The following GSG1L variants were observed in gnomAD, a reference collection of about 807,000 sequenced individuals.
GSG1L encodes GSG1 like.
A neutral mutation model predicts 42.1 loss-of-function variants in GSG1L; 24 were observed. The ratio of observed to expected loss-of-function variants is 0.57; its 90% CI spans 0.41 to 0.80. GSG1L has a LOEUF of 0.80. Among genes scored for constraint, GSG1L ranks in the 30% least tolerant of loss-of-function variants. GSG1L has a pLI of 0.00. For synonymous variants in GSG1L, 215 were observed against 203.5 expected, an observed-to-expected ratio of 1.06 and a Z score of -0.48; for missense variants, 445 against 472.2, an observed-to-expected ratio of 0.94 and a Z score of 0.53.
chr16:27,830,677 C>T (rs75705459), intron 4 of GSG1L, among the ~76,000 whole-genome samples: 1 of 152,198 alleles, frequency 6.6e-6, no homozygotes, highest in African/African-American at 2.4e-5. Context: ...CACCACCCCC[C>T]ACCATTCATA....
intron 1 of GSG1L, among the ~76,000 whole-genome samples, chr16:27,983,945 A>G (rs749604945): frequency 6.6e-5 from 10 of 152,160 alleles, no homozygotes; most frequent in Non-Finnish European, 1.5e-4. Flanking sequence ...TTTAAACGAC[A>G]CCTGTGGCAT....
At chr16:27,946,559 A>AAGAAAGAAAGAG in intron 2 of GSG1L, among the ~76,000 whole-genome samples, 1 of 9,776 alleles carries the variant, frequency 1.0e-4, no homozygotes, top group Non-Finnish European at 2.8e-4. Flanking sequence ...AAAAGAAAGA[A>AAGAAAGAAAGAG]AGAAAGAAAG....
intron 1 of GSG1L, among the ~76,000 whole-genome samples, chr16:28,061,380 G>T (rs1392443773): frequency 6.6e-6 from 1 of 152,172 alleles, no homozygotes; most frequent in East Asian, 1.9e-4. Flanking sequence ...GGTCTGATGG[G>T]ATGAAACCAA....
chr16:27,971,924 A>C (rs952526835), intron 1 of GSG1L, among the ~76,000 whole-genome samples: 8 of 152,196 alleles, frequency 5.3e-5, no homozygotes, highest in African/African-American at 1.9e-4. Flanking sequence ...AGACAAGCAA[A>C]GTGAGGGTCT....
Position 28,063,550 on chromosome 16 carries a change from G to A in GSG1L, c.-126C>T. 2 of 398,888 alleles carry A rather than the reference G, an allele frequency of 5.0e-6. No individual in the cohort carries two copies. The highest frequency in any genetic ancestry group is 7.0e-6 in the Non-Finnish European group (2 of 287,170). The allele number at this position is 398,888 out of a possible 1,614,324, so 24.7% of individuals were successfully genotyped here. ...GGGGCTCGGGTGCCTGAGATCGGCG[G>A]CGGCGGACGCGGCGCGGGCCCATGC... is the stretch of plus-strand genomic sequence containing the variant. On this transcript the variant is annotated 5_prime_UTR_variant, in exon 1 of 7. Coordinates refer to ENST00000447459, the MANE Select transcript of GSG1L (RefSeq NM_001109763.2). The surrounding 1 kb of genome is among the most constrained non-coding windows in gnomAD (Gnocchi z 5.8).
At chr16:27,914,148 T>C (rs72782200) in intron 2 of GSG1L, among the ~76,000 whole-genome samples, 16,432 of 152,006 alleles carry the variant, frequency 0.11, 1,119 homozygotes, top group African/African-American at 0.19. Context: ...TAAGTAATGA[T>C]GCAATTAGTA....
intron 1 of GSG1L, among the ~76,000 whole-genome samples, chr16:28,029,236 A>G (rs2085930183): frequency 6.6e-6 from 1 of 152,222 alleles, no homozygotes; most frequent in Non-Finnish European, 1.5e-5. Flanking sequence ...TGTGTAAAGA[A>G]CTGAATGAAT....
At chr16:27,855,455 C>T (rs2083565816) in intron 3 of GSG1L, among the ~76,000 whole-genome samples, 1 of 152,096 alleles carries the variant, frequency 6.6e-6, no homozygotes, top group Non-Finnish European at 1.5e-5. Flanking sequence ...AGCAGTGTTA[C>T]AAGCCTGTAA....
In GSG1L at chr16:27,857,893, C is replaced by T. The variant is rs182438491; in HGVS notation, c.551-12832G>A. 4.8e-3 allele frequency among the ~76,000 whole-genome samples: 679 copies of T among 140,416 alleles called. 3 individuals are homozygous for T. Among genetic ancestry groups the T allele is most frequent in the African/African-American group, 0.017 (651 of 38,438 alleles). The allele number at this position is 140,416 out of a possible 152,430, so 92.1% of individuals were successfully genotyped here. On this transcript the variant is annotated intron_variant, in intron 3 of 6. Transcript: ENST00000447459. ...TCCCCCTCTCCTCCTGTTTTGCTCTCGGAGGGCCCTGATCGGCAGAGACAC... is the reference window on the plus strand; with the variant it reads ...TCCCCCTCTCCTCCTGTTTTGCTCTTGGAGGGCCCTGATCGGCAGAGACAC...
intron 5 of GSG1L, among the ~76,000 whole-genome samples, chr16:27,812,702 C>G (rs998355471): frequency 3.3e-5 from 5 of 152,008 alleles, no homozygotes; most frequent in African/African-American, 1.2e-4. Flanking sequence ...GGGGTGGTAC[C>G]GTTTGAGCTG....
chr16:27,937,024 C>A (rs1414664728), intron 2 of GSG1L, among the ~76,000 whole-genome samples: 1 of 152,182 alleles, frequency 6.6e-6, no homozygotes, highest in Admixed American at 6.5e-5. Flanking sequence ...GGGCACTTGC[C>A]CGTCCTGACA....
chr16:27,955,921 GAA>G (rs1186606760), intron 2 of GSG1L, among the ~76,000 whole-genome samples: 1 of 139,542 alleles, frequency 7.2e-6, no homozygotes, highest in African/African-American at 3.3e-5. Context: ...AGGAAGGAAG[GAA>G]GGAAAGAAGG....
intron 2 of GSG1L, among the ~76,000 whole-genome samples, chr16:27,900,822 T>TAA (rs58590954): frequency 2.0e-4 from 30 of 147,318 alleles, no homozygotes; most frequent in African/African-American, 4.7e-4. Context: ...ATCAAAACAT[T>TAA]AAAAAAAAAA....
rs1005426019 is a variant in GSG1L, at chr16:27,902,570, G to A, written c.398-17932C>T. Among the ~76,000 whole-genome samples the A allele has an allele frequency of 8.0e-4, 121 of 152,086 alleles. 1 individual carries two copies. Among genetic ancestry groups the A allele is most frequent in the Non-Finnish European group, 1.9e-4 (13 of 68,022 alleles). On this transcript the variant is annotated intron_variant, in intron 2 of 6. Coordinates refer to ENST00000447459, the MANE Select transcript of GSG1L (RefSeq NM_001109763.2). ...CTTCAGAGCAAGGGGAGGGAGAGGG[G>A]GGGCCGCTGGTGCAGGAGGCTTTGG...
intron 1 of GSG1L, among the ~76,000 whole-genome samples, chr16:28,043,846 A>AC (rs771263109): frequency 1.3e-5 from 2 of 151,862 alleles, no homozygotes; most frequent in East Asian, 2.0e-4. Flanking sequence ...ACATGGTGAG[A>AC]CCCCATCTCT....
intron 5 of GSG1L, chr16:27,824,056 C>T (rs540298866): frequency 1.5e-6 from 1 of 648,916 alleles, no homozygotes; most frequent in Non-Finnish European, 2.8e-6. Context: ...TTCGAAATAC[C>T]CTCGCCATCT....
chr16:27,789,384 T>C lies in GSG1L; in HGVS notation c.*1986A>G, dbSNP rs1382809967. On this transcript the variant is annotated 3_prime_UTR_variant, in exon 7 of 7. Transcript: ENST00000447459. ...GGATGGTTGATGGATAATGGGCAGA[T>C]GGAGGGATGAATGGATGAGTGGATG... is the stretch of plus-strand genomic sequence containing the variant. 2.7e-5 allele frequency: 4 copies of C among 147,732 alleles called. No homozygotes were observed. Among genetic ancestry groups the C allele is most frequent in the Non-Finnish European group, 4.5e-5 (3 of 67,048 alleles). 9.2% of individuals were successfully genotyped at this position (147,732 alleles called of 1,614,324 possible).
chr16:28,043,001 G>A (rs771529015), intron 1 of GSG1L, among the ~76,000 whole-genome samples: 2 of 152,124 alleles, frequency 1.3e-5, no homozygotes, highest in Non-Finnish European at 2.9e-5. Context: ...TCAATCCTAC[G>A]GAAAATTGAA....
chr16:27,888,401 C>CCTCT lies in GSG1L; in HGVS notation c.398-3764_398-3763insAGAG, dbSNP rs1555506318. 8.4e-4 allele frequency among the ~76,000 whole-genome samples: 103 copies of CCTCT among 122,570 alleles called. 2 individuals carry two copies. The highest frequency in any genetic ancestry group is 2.1e-3 in the African/African-American group (57 of 27,446). 80.4% of individuals were successfully genotyped at this position (122,570 alleles called of 152,430 possible). A position where few individuals can be genotyped will look rare whatever the true frequency, so the allele number is the denominator to read the frequency against. On this transcript the variant is annotated intron_variant, in intron 2 of 6. Transcript: ENST00000447459. ...GGTTCTTTCTTTCTTTTCTTTTCTC[C>CCTCT]TTCTTTCTTTCTTTCTTTCTTTCTT...
Sources: gnomAD v4.1 joint callset for allele counts (sites outside exome capture counted in the v4.1 genomes callset) on GRCh38, gnomAD v4.1.1 for gene constraint, Gnocchi (gnomAD v3.1) non-coding constraint, MANE v1.5 for transcripts, NCBI Gene and HGNC (gene_info 2026-07-23, HGNC 2026-07-21) for gene names.